CSMD1: variants seen among roughly 807,000 people sequenced by gnomAD.
CSMD1 encodes CUB and sushi domain-containing protein 1.
CSMD1 carries 213 observed loss-of-function variants against 417.5 expected under a neutral mutation model. That is an observed-to-expected ratio of 0.51 (90% CI 0.46 to 0.57). The LOEUF is 0.57. Among genes scored for constraint, CSMD1 ranks in the 20% least tolerant of loss-of-function variants. The pLI is 0.00. For missense variants in CSMD1, 6,923 were observed against 4,529.7 expected, an observed-to-expected ratio of 1.53 and a Z score of -15.17; for synonymous variants, 2,862 against 1,736.8, an observed-to-expected ratio of 1.65 and a Z score of -16.11.
intron 3 of CSMD1, among the ~76,000 whole-genome samples, chr8:4,351,000 C>T (rs772322482): frequency 2.6e-5 from 4 of 152,092 alleles, no homozygotes; most frequent in Non-Finnish European, 5.9e-5. Flanking sequence ...TCTGCTTAAT[C>T]GAAATTAAAG....
At chr8:2,951,547 C>T (rs1293729025) in intron 65 of CSMD1, among the ~76,000 whole-genome samples, 2 of 152,088 alleles carry the variant, frequency 1.3e-5, no homozygotes, top group Admixed American at 6.6e-5. Flanking sequence ...CTTTAACAGC[C>T]CTTCCAAGCT....
chr8:4,423,520 G>C (rs1052709222), intron 2 of CSMD1, among the ~76,000 whole-genome samples: 4 of 151,986 alleles, frequency 2.6e-5, no homozygotes, highest in African/African-American at 9.7e-5. Context: ...ATACAGAAAA[G>C]TACACAACAC....
intron 1 of CSMD1, among the ~76,000 whole-genome samples, chr8:4,751,059 G>C (rs1024869668): frequency 4.6e-5 from 7 of 152,178 alleles, no homozygotes; most frequent in African/African-American, 1.7e-4. Flanking sequence ...CCTCACACCA[G>C]GTAAAGTTTG....
intron 37 of CSMD1, among the ~76,000 whole-genome samples, chr8:3,168,882 A>AGGGAAGTGACAAAATACCTTTAG (rs1820404110): frequency 6.6e-6 from 1 of 151,990 alleles, no homozygotes; most frequent in Admixed American, 6.6e-5. Flanking sequence ...TCTGGTGACA[A>AGGGAAGTGACAAAATACCTTTAG]GGGAAGTGAC....
chr8:2,950,320 G>T lies in CSMD1; in HGVS notation c.10225C>A (p.His3409Asn). ...LTGIYKKEEA[H>N]LLLKAFQIKG... ...ATTTGAAAAGCTTTCAGGAGTAAGT[G>T]GGCCTCCTCCTTCTTGTAAATGCCT... The change falls in exon 67 of 70, where the codon CAC (histidine) becomes AAC (asparagine). Residue 3409 changes from histidine (H) to asparagine (N), a missense_variant. Coordinates refer to ENST00000635120, the MANE Select transcript of CSMD1 (RefSeq NM_033225.6). 6.2e-7 allele frequency: 1 copy of T among 1,612,882 alleles called. No individual in the cohort carries two copies.
At chr8:4,899,501 T>C (rs1446330909) in intron 1 of CSMD1, among the ~76,000 whole-genome samples, 2 of 152,180 alleles carry the variant, frequency 1.3e-5, no homozygotes, top group East Asian at 3.9e-4. Flanking sequence ...ATATGTTAGA[T>C]CTCATTGTCT....
At chr8:3,367,468 G>A (rs944767159) in intron 19 of CSMD1, among the ~76,000 whole-genome samples, 6 of 151,778 alleles carry the variant, frequency 4.0e-5, no homozygotes, top group Non-Finnish European at 7.4e-5. Context: ...GGAGAGGAGA[G>A]AGAGAAAAAG....
At chr8:3,937,885 A>C (rs372111333) in intron 5 of CSMD1, among the ~76,000 whole-genome samples, 2 of 152,178 alleles carry the variant, frequency 1.3e-5, no homozygotes, top group African/African-American at 4.8e-5. Context: ...CATACACAAG[A>C]AACTTTATGA....
At chr8:4,852,727 T>C (rs766722185) in intron 1 of CSMD1, among the ~76,000 whole-genome samples, 2 of 152,124 alleles carry the variant, frequency 1.3e-5, no homozygotes, top group Non-Finnish European at 2.9e-5. Context: ...CCTTAGAAAC[T>C]GGTTAAGTGG....
intron 5 of CSMD1, among the ~76,000 whole-genome samples, chr8:3,765,029 C>G (rs564861347): frequency 4.9e-4 from 75 of 152,066 alleles, no homozygotes; most frequent in African/African-American, 1.7e-3. Context: ...ACAGGCATGA[C>G]CCACCATTCC....
At chr8:3,734,659 C>T (rs1563323434) in intron 6 of CSMD1, among the ~76,000 whole-genome samples, 1 of 152,072 alleles carries the variant, frequency 6.6e-6, no homozygotes, top group South Asian at 2.1e-4. Flanking sequence ...CGCAGTGAGC[C>T]AAAACTACGC....
chr8:3,599,667 G>T (rs1441565952), intron 8 of CSMD1, among the ~76,000 whole-genome samples: 1 of 152,146 alleles, frequency 6.6e-6, no homozygotes, highest in Non-Finnish European at 1.5e-5. Context: ...GCAGCTTTAT[G>T]CCTTTAACAA....
chr8:4,234,075 G>A (rs1008796323), intron 3 of CSMD1, among the ~76,000 whole-genome samples: 3 of 152,094 alleles, frequency 2.0e-5, no homozygotes, highest in African/African-American at 4.8e-5. Flanking sequence ...ATTAACCCCT[G>A]CCTAAGTACT....
intron 3 of CSMD1, among the ~76,000 whole-genome samples, chr8:4,240,222 C>A (rs528945101): frequency 6.6e-6 from 1 of 152,240 alleles, no homozygotes; most frequent in Non-Finnish European, 1.5e-5. Context: ...GGCTGCAGAG[C>A]GTAGCTTGTG....
At chr8:4,915,689 T>C (rs1478169995) in intron 1 of CSMD1, among the ~76,000 whole-genome samples, 1 of 152,188 alleles carries the variant, frequency 6.6e-6, no homozygotes, top group African/African-American at 2.4e-5. Flanking sequence ...GGCAGTGGAT[T>C]TCGGGAGAGG....
At chr8:4,706,794 G>C (rs953788744) in intron 1 of CSMD1, among the ~76,000 whole-genome samples, 7 of 152,212 alleles carry the variant, frequency 4.6e-5, no homozygotes, top group Non-Finnish European at 7.3e-5. Flanking sequence ...ATTTGAGAAA[G>C]ACAGTGCTTG....
At chr8:3,098,591 C>G (rs1434874421) in intron 46 of CSMD1, among the ~76,000 whole-genome samples, 2 of 152,100 alleles carry the variant, frequency 1.3e-5, no homozygotes, top group African/African-American at 4.8e-5. Context: ...CTAATCAGAA[C>G]ACACAGATTG....
At chr8:4,075,655 T>G (rs1161369445) in intron 3 of CSMD1, among the ~76,000 whole-genome samples, 2 of 152,202 alleles carry the variant, frequency 1.3e-5, no homozygotes, top group African/African-American at 4.8e-5. Flanking sequence ...GGAAATTGTC[T>G]TGATTTGTGA....
chr8:4,085,977 A>C lies in CSMD1; in HGVS notation c.416-53878T>G, dbSNP rs550273078. On this transcript the variant is annotated intron_variant, in intron 3 of 69. Transcript: ENST00000635120. ...GCAAGTCAATCTACAATTACCTTGA[A>C]ATAAAAACTGTAATTAAAAGAAGGA... 1.6e-4 allele frequency among the ~76,000 whole-genome samples: 24 copies of C among 152,302 alleles called. No homozygotes were observed. The South Asian group carries it at 4.6e-3, about 29-fold the overall frequency.
Sources: gnomAD v4.1 joint callset for allele counts (sites outside exome capture counted in the v4.1 genomes callset) on GRCh38, gnomAD v4.1.1 for gene constraint, MANE v1.5 for transcripts, NCBI Gene and HGNC (gene_info 2026-07-23, HGNC 2026-07-21) for gene names.